Variants in PLEKHM3 observed in about 807,000 individuals in gnomAD.
PLEKHM3 encodes the protein pleckstrin homology domain-containing family M member 3.
PLEKHM3 carries 45 observed loss-of-function variants against 81.8 expected under a neutral mutation model. The observed-to-expected ratio is 0.55, with a 90% CI of 0.43 to 0.71. The LOEUF is 0.71. Ranked by LOEUF, PLEKHM3 falls within the 30% of genes least tolerant of loss-of-function variation. The pLI, the probability that PLEKHM3 is intolerant of heterozygous loss-of-function variation, is 0.00. For synonymous variants in PLEKHM3, 352 were observed against 356.4 expected (o/e 0.99, Z 0.14); for missense variants, 788 against 924.3 (o/e 0.85, Z 1.91).
intron 5 of PLEKHM3, among the ~76,000 whole-genome samples, chr2:207,915,764 T>C (rs1688971983): frequency 6.6e-6 from 1 of 152,196 alleles, no homozygotes; most frequent in Non-Finnish European, 1.5e-5. Context: ...TAAAGATGCA[T>C]AAGGAATAAT....
At position 207,883,703 on chromosome 2, in the gene PLEKHM3, T is replaced by C. The variant is rs570175173; in HGVS notation, c.1951-22441A>G. ...GGTCCAGGTGACTGGTTTTATTACATAAATGTTAAAATGGACTGATTCAGT... is the reference window on the plus strand; with the variant it reads ...GGTCCAGGTGACTGGTTTTATTACACAAATGTTAAAATGGACTGATTCAGT... On this transcript the variant is annotated intron_variant, in intron 6 of 7. Transcript: ENST00000427836. Among the ~76,000 whole-genome samples, 6 of 152,252 alleles carry C rather than the reference T, an allele frequency of 3.9e-5. No homozygotes were observed. In the East Asian group the frequency reaches 1.2e-3, roughly 29 times the overall value.
intron 6 of PLEKHM3, among the ~76,000 whole-genome samples, chr2:207,880,591 GT>G (rs1184749256): frequency 1.4e-5 from 2 of 147,014 alleles, no homozygotes; most frequent in African/African-American, 5.0e-5. Flanking sequence ...GTGAAACCCC[GT>G]TTCTACTAAA....
intron 7 of PLEKHM3, 116 bp from the exon 8 acceptor site, chr2:207,828,612 G>T: frequency 4.2e-6 from 4 of 944,350 alleles, no homozygotes; most frequent in Non-Finnish European, 6.2e-6. Flanking sequence ...GGACAACCCT[G>T]CCAATGGGAA....
intron 3 of PLEKHM3, among the ~76,000 whole-genome samples, chr2:207,966,255 T>C (rs889420686): frequency 5.3e-5 from 8 of 152,232 alleles, no homozygotes; most frequent in African/African-American, 1.9e-4. Context: ...GAGAAAATTC[T>C]AAATCAGACA....
intron 3 of PLEKHM3, among the ~76,000 whole-genome samples, chr2:207,947,397 C>T (rs986232098): frequency 6.6e-6 from 1 of 152,178 alleles, no homozygotes; most frequent in African/African-American, 2.4e-5. Flanking sequence ...GTCAGCGAAC[C>T]TGGTAATAAT....
intron 7 of PLEKHM3, among the ~76,000 whole-genome samples, chr2:207,830,590 A>C (rs2105878441): frequency 6.9e-6 from 1 of 144,192 alleles, no homozygotes; most frequent in East Asian, 2.0e-4. Context: ...CTGGGTGACA[A>C]GAGCAAAACT....
intron 1 of PLEKHM3, among the ~76,000 whole-genome samples, chr2:208,006,933 T>C (rs1326238826): frequency 3.3e-5 from 5 of 152,346 alleles, no homozygotes; most frequent in Admixed American, 2.6e-4. Flanking sequence ...ATCTGTTTTT[T>C]ACATGCTCGT....
At chr2:208,020,945 T>TA (rs958528135) in intron 1 of PLEKHM3, among the ~76,000 whole-genome samples, 16 of 152,164 alleles carry the variant, frequency 1.1e-4, no homozygotes, top group Non-Finnish European at 1.6e-4. Context: ...TAAAGAATCC[T>TA]AAAAAAACTG....
chr2:207,946,920 A>G (rs544099907), intron 3 of PLEKHM3, among the ~76,000 whole-genome samples: 4 of 152,330 alleles, frequency 2.6e-5, no homozygotes, highest in African/African-American at 9.6e-5. Context: ...TCTATGAGGA[A>G]GATATTATTA....
intron 1 of PLEKHM3, among the ~76,000 whole-genome samples, chr2:208,008,271 A>AT (rs1187565189): frequency 6.6e-6 from 1 of 151,552 alleles, no homozygotes; most frequent in African/African-American, 2.4e-5. Context: ...AATTTATATA[A>AT]TTTTTTTCCA....
intron 7 of PLEKHM3, among the ~76,000 whole-genome samples, chr2:207,856,562 A>C (rs1417062625): frequency 6.6e-6 from 1 of 152,228 alleles, no homozygotes; most frequent in Non-Finnish European, 1.5e-5. Flanking sequence ...GGAATCGTAT[A>C]GTACGTAGCC....
chr2:207,985,547 T>C (rs2106054597), intron 2 of PLEKHM3, among the ~76,000 whole-genome samples: 1 of 152,228 alleles, frequency 6.6e-6, no homozygotes, highest in South Asian at 2.1e-4. Context: ...GACTGTATAC[T>C]GTTTGCTATG....
chr2:208,003,762 G>A (rs1207603716), intron 1 of PLEKHM3, among the ~76,000 whole-genome samples: 3 of 152,142 alleles, frequency 2.0e-5, no homozygotes, highest in Admixed American at 6.5e-5. Context: ...TAGTGCTTCT[G>A]TAATTTTGAA....
intron 1 of PLEKHM3, among the ~76,000 whole-genome samples, chr2:208,019,125 C>T (rs1455331882): frequency 7.1e-6 from 1 of 141,240 alleles, no homozygotes; most frequent in Admixed American, 7.6e-5. Flanking sequence ...CATAGTGAGA[C>T]CCCCATCTCT....
chr2:207,856,930 T>A (rs1461517033), intron 7 of PLEKHM3, among the ~76,000 whole-genome samples: 1 of 152,238 alleles, frequency 6.6e-6, no homozygotes, highest in Non-Finnish European at 1.5e-5. Context: ...ATTTCTACTC[T>A]TTTAAATTTG....
Position 208,001,593 on chromosome 2 carries a change from G to GT in PLEKHM3, c.46dup (p.Thr16AsnfsTer6). Reference sequence around the variant, plus strand: ...ATCCAAAGTACTAAAGAATTCCTCCGTAACTTCTAAGGCTGGGCTGATATC... The same window carrying GT: ...ATCCAAAGTACTAAAGAATTCCTCCGTTAACTTCTAAGGCTGGGCTGATATC... On this transcript the variant is annotated frameshift_variant, in exon 2 of 8. Coordinates refer to ENST00000427836, the MANE Select transcript of PLEKHM3 (RefSeq NM_001080475.3). LOFTEE classifies it high-confidence loss of function. The GT allele has an allele frequency of 1.2e-6, 2 of 1,614,038 alleles. No individual in the cohort carries two copies. Among genetic ancestry groups the GT allele is most frequent in the Non-Finnish European group, 1.7e-6 (2 of 1,179,982 alleles).
intron 6 of PLEKHM3, among the ~76,000 whole-genome samples, chr2:207,876,478 A>T (rs549000974): frequency 1.0e-3 from 157 of 152,334 alleles, no homozygotes; most frequent in Non-Finnish European, 2.0e-3. Flanking sequence ...CCTATCAATG[A>T]ATCTGTCATG....
intron 1 of PLEKHM3, among the ~76,000 whole-genome samples, chr2:208,008,615 T>C (rs558480824): frequency 1.3e-5 from 2 of 152,038 alleles, no homozygotes; most frequent in East Asian, 1.9e-4. Context: ...TTCTCTTCTA[T>C]AGCCACCAAG....
At position 207,965,158 on chromosome 2, in the gene PLEKHM3, C is replaced by A. The variant is rs953594523; in HGVS notation, c.1546+11493G>T. ...AGAAATTAAGGAGAATCTTAACCTG[C>A]CCAAGTTTATCTTAAAACTGTACCT... On this transcript the variant is annotated intron_variant, in intron 3 of 7. Transcript: ENST00000427836. Among the ~76,000 whole-genome samples, 20 of 152,234 alleles carry A rather than the reference C, an allele frequency of 1.3e-4. No homozygotes were observed. In the South Asian group the frequency reaches 3.1e-3, roughly 24 times the overall value.
Sources: allele counts gnomAD v4.1 joint callset (sites outside exome capture counted in the v4.1 genomes callset), GRCh38; gene constraint gnomAD v4.1.1; transcripts MANE v1.5; gene names NCBI Gene and HGNC (gene_info 2026-07-23, HGNC 2026-07-21).